ZFAND2A: variants seen among roughly 807,000 people sequenced by gnomAD.
ZFAND2A encodes the protein AN1-type zinc finger protein 2A.
A neutral mutation model predicts 11.6 loss-of-function variants in ZFAND2A; 20 were observed. The observed-to-expected ratio is 1.72, with a 90% CI of 1.21 to 2.50. The LOEUF (loss-of-function observed/expected upper bound fraction) is 2.50. ZFAND2A is among the 30% of genes most tolerant of loss of function. The pLI is 0.00. For synonymous variants in ZFAND2A, 93 were observed against 60.6 expected (o/e 1.54, Z -2.48); for missense variants, 234 against 182.9 (o/e 1.28, Z -1.61).
At chr7:1,155,244 T>C (rs1407804677) in intron 4 of ZFAND2A, among the ~76,000 whole-genome samples, 1 of 152,210 alleles carries the variant, frequency 6.6e-6, no homozygotes, top group Non-Finnish European at 1.5e-5. Context: ...AAGACGAACC[T>C]GACCTGGGAT....
intron 1 of ZFAND2A, among the ~76,000 whole-genome samples, chr7:1,158,481 G>C (rs147610359): frequency 6.6e-6 from 1 of 152,192 alleles, no homozygotes; most frequent in Admixed American, 6.5e-5. Flanking sequence ...AGCACTCCTT[G>C]AACTCGGGTT....
At chr7:1,150,902 T>TTTTTTTTC (rs1457637386), downstream of ZFAND2A, among the ~76,000 whole-genome samples, 2,771 of 141,906 alleles carry the variant, frequency 0.02, 18 homozygotes, top group Non-Finnish European at 0.027. Flanking sequence ...TTTTTTTTTT[T>TTTTTTTTC]TTTGAGATTC....
intron 2 of ZFAND2A, 128 bp from the exon 3 acceptor site, chr7:1,157,878 CAT>C (rs1405639680): frequency 1.3e-6 from 1 of 758,226 alleles, no homozygotes; most frequent in Non-Finnish European, 2.1e-6. Context: ...GAGGGCCACA[CAT>C]GTGAAAACAA....
chr7:1,159,743 G>A lies in ZFAND2A; in HGVS notation c.-46+221C>T, dbSNP rs1412465752. On this transcript the variant is annotated intron_variant, in intron 1 of 4. Coordinates refer to ENST00000316495, the MANE Select transcript of ZFAND2A (RefSeq NM_182491.4). ...CCGGACCCCCAACAGCCAGACCCCG[G>A]CAGGCCCGGTCCCCAGCAGACAGGC... 6.2e-5 allele frequency among the ~76,000 whole-genome samples: 6 copies of A among 96,212 alleles called. No individual in the cohort carries two copies. In the South Asian group the frequency reaches 2.5e-3, roughly 40 times the overall value. 63.1% of individuals were successfully genotyped at this position (96,212 alleles called of 152,430 possible).
At chr7:1,151,761 T>TAAAAAAAAAA (rs76095900), downstream of ZFAND2A, among the ~76,000 whole-genome samples, 1 of 22,776 alleles carries the variant, frequency 4.4e-5, no homozygotes, top group Non-Finnish European at 9.5e-5. Flanking sequence ...TTCATCCCTT[T>TAAAAAAAAAA]TAAAAAAAAA....
At chr7:1,153,862 C>G (rs1397840786) in intron 4 of ZFAND2A, among the ~76,000 whole-genome samples, 1 of 152,036 alleles carries the variant, frequency 6.6e-6, no homozygotes, top group Admixed American at 6.6e-5. Flanking sequence ...AGGAGAATTG[C>G]TAGAGGAGGC....
At chr7:1,152,331 T>C (rs1260579011), downstream of ZFAND2A, 4 of 1,575,316 alleles carry the variant, frequency 2.5e-6, no homozygotes, top group Admixed American at 1.8e-5. Context: ...TCAGAGACTG[T>C]CATGGGTGAG....
chr7:1,151,762 T>TAAAAGAAAA (rs1554344525), downstream of ZFAND2A, among the ~76,000 whole-genome samples: 4 of 87,178 alleles, frequency 4.6e-5, no homozygotes, highest in Non-Finnish European at 8.7e-5. Context: ...TCATCCCTTT[T>TAAAAGAAAA]AAAAAAAAAA....
chr7:1,155,076 C>A (rs933232062), intron 4 of ZFAND2A, among the ~76,000 whole-genome samples: 1 of 152,148 alleles, frequency 6.6e-6, no homozygotes, highest in Non-Finnish European at 1.5e-5. Context: ...CGAGACGGCA[C>A]CATTCACCAT....
downstream of ZFAND2A, chr7:1,152,409 C>T (rs1169221275): frequency 1.4e-6 from 2 of 1,453,640 alleles, no homozygotes; most frequent in Non-Finnish European, 9.2e-7. Context: ...CACACAGCTT[C>T]CTGCAGGTAA....
intron 3 of ZFAND2A, 32 bp from the exon 4 acceptor site, chr7:1,155,616 G>A: frequency 1.2e-6 from 2 of 1,607,234 alleles, no homozygotes; most frequent in Non-Finnish European, 1.7e-6. Context: ...TGGCATCTGA[G>A]ACTCATGCAA....
downstream of ZFAND2A, among the ~76,000 whole-genome samples, chr7:1,150,315 T>C (rs1460999787): frequency 1.3e-5 from 2 of 151,502 alleles, no homozygotes; most frequent in Non-Finnish European, 2.9e-5. Flanking sequence ...TTTTAGATGG[T>C]GAAAGCAGAA....
At chr7:1,154,543 G>C (rs1027007797) in intron 4 of ZFAND2A, among the ~76,000 whole-genome samples, 1 of 152,146 alleles carries the variant, frequency 6.6e-6, no homozygotes, top group African/African-American at 2.4e-5. Context: ...ATGTCTCAGA[G>C]GCTTAAGAGA....
chr7:1,150,883 G>A (rs561287318), downstream of ZFAND2A, among the ~76,000 whole-genome samples: 261 of 134,392 alleles, frequency 1.9e-3, no homozygotes, highest in Non-Finnish European at 3.2e-3. Flanking sequence ...GCTGACAACT[G>A]TGCCTTTTTT....
intron 1 of ZFAND2A, among the ~76,000 whole-genome samples, chr7:1,159,029 C>A (rs1486788665): frequency 6.6e-6 from 1 of 152,148 alleles, no homozygotes. Flanking sequence ...ACACTCTCGC[C>A]CATGGCAAAC....
At chr7:1,157,879 A>C in intron 2 of ZFAND2A, 129 bp from the exon 3 acceptor site, 1 of 760,494 alleles carries the variant, frequency 1.3e-6, no homozygotes, top group Non-Finnish European at 2.1e-6. Context: ...AGGGCCACAC[A>C]TGTGAAAACA....
chr7:1,157,919 C>A (rs1410804733), intron 2 of ZFAND2A, among the ~76,000 whole-genome samples, 169 bp from the exon 3 acceptor site: 2 of 152,088 alleles, frequency 1.3e-5, no homozygotes, highest in African/African-American at 4.8e-5. Context: ...TTCTAGAGAC[C>A]CCCTATGGCA....
chr7:1,149,041 G>A (rs776205819), downstream of ZFAND2A, among the ~76,000 whole-genome samples: 9 of 151,718 alleles, frequency 5.9e-5, no homozygotes, highest in African/African-American at 1.2e-4. Flanking sequence ...CAAGCAATCC[G>A]CCCACATCAG....
chr7:1,151,762 T>TAAAAGAAA (rs1554344525), downstream of ZFAND2A, among the ~76,000 whole-genome samples: 9 of 87,178 alleles, frequency 1.0e-4, no homozygotes, highest in South Asian at 3.6e-4. Flanking sequence ...TCATCCCTTT[T>TAAAAGAAA]AAAAAAAAAA....
Sources: allele counts gnomAD v4.1 joint callset (sites outside exome capture counted in the v4.1 genomes callset), GRCh38; gene constraint gnomAD v4.1.1; transcripts MANE v1.5; gene names NCBI Gene and HGNC (gene_info 2026-07-23, HGNC 2026-07-21).